Variants in PTPRD observed in about 807,000 individuals in gnomAD.
PTPRD encodes the protein protein tyrosine phosphatase receptor type D, also known as receptor-type tyrosine-protein phosphatase delta.
Under a neutral mutation model 214.5 loss-of-function variants are expected in PTPRD, and 34 were observed. The observed-to-expected ratio is 0.16, with a 90% CI of 0.12 to 0.21. The LOEUF is 0.21. Ranked by LOEUF, PTPRD falls within the 10% of genes least tolerant of loss-of-function variation. The probability of loss-of-function intolerance (pLI) is 1.00; values close to 1 mark genes in which losing one functional copy is unlikely to be tolerated. For missense variants in PTPRD, 2,545 were observed against 2,398.7 expected (o/e 1.06, Z -1.27); for synonymous variants, 1,128 against 845.7 (o/e 1.33, Z -5.79).
intron 5 of PTPRD, among the ~76,000 whole-genome samples, chr9:9,887,549 T>A (rs2071432388): frequency 6.6e-6 from 1 of 152,084 alleles, no homozygotes; most frequent in South Asian, 2.1e-4. Context: ...CAGAACAACA[T>A]TAGATGTTAA....
chr9:9,851,101 T>C (rs1264240457), intron 5 of PTPRD, among the ~76,000 whole-genome samples: 1 of 152,162 alleles, frequency 6.6e-6, no homozygotes, highest in African/African-American at 2.4e-5. Flanking sequence ...TATTTAAGGA[T>C]GAAATGAAAT....
intron 8 of PTPRD, among the ~76,000 whole-genome samples, chr9:9,537,134 A>G (rs2076689422): frequency 6.6e-6 from 1 of 152,088 alleles, no homozygotes; most frequent in Admixed American, 6.6e-5. Flanking sequence ...ATAACTGAGT[A>G]CCTGCTATGT....
At chr9:10,276,736 C>G (rs10958999) in intron 3 of PTPRD, among the ~76,000 whole-genome samples, 8,143 of 152,258 alleles carry the variant, frequency 0.053, 243 homozygotes, top group Middle Eastern at 0.095. Context: ...CTAATCATGT[C>G]AGAACAGAAG....
intron 8 of PTPRD, among the ~76,000 whole-genome samples, chr9:9,533,331 T>C (rs571032659): frequency 5.9e-5 from 9 of 152,256 alleles, no homozygotes; most frequent in African/African-American, 2.2e-4. Flanking sequence ...ATTTTTCTTT[T>C]CATTGTCAAA....
intron 11 of PTPRD, among the ~76,000 whole-genome samples, chr9:8,839,132 AAT>A (rs2097503604): frequency 6.6e-6 from 1 of 152,112 alleles, no homozygotes. Flanking sequence ...AGGCAAAGGA[AAT>A]ATAGAGATTT....
rs577496222 is a variant in PTPRD, at chr9:10,414,809, C to A, written c.-599-73792G>T. On this transcript the variant is annotated intron_variant, in intron 2 of 45. Transcript: ENST00000381196. ...GTGGAAACATGGATGGAACGGAATGCCATTATCCTCAGCAAACTAATGCAG... is the reference window on the plus strand; with the variant it reads ...GTGGAAACATGGATGGAACGGAATGACATTATCCTCAGCAAACTAATGCAG... Among the ~76,000 whole-genome samples, 3 of 151,854 alleles carry A rather than the reference C, an allele frequency of 2.0e-5. No individual in the cohort carries two copies. In the South Asian group the frequency reaches 6.2e-4, roughly 32 times the overall value.
chr9:9,086,997 C>T (rs1184966377), intron 10 of PTPRD, among the ~76,000 whole-genome samples: 3 of 152,136 alleles, frequency 2.0e-5, no homozygotes, highest in African/African-American at 4.8e-5. Flanking sequence ...AAGTGATATA[C>T]AGAGTGACAC....
chr9:10,123,216 T>A (rs561951384), intron 3 of PTPRD, among the ~76,000 whole-genome samples: 12 of 152,240 alleles, frequency 7.9e-5, no homozygotes, highest in African/African-American at 1.2e-4. Context: ...ACATAGGTGC[T>A]CCTTCCTATC....
intron 7 of PTPRD, among the ~76,000 whole-genome samples, chr9:9,575,244 A>T (rs2088077284): frequency 6.6e-6 from 1 of 152,174 alleles, no homozygotes; most frequent in African/African-American, 2.4e-5. Context: ...ACTAATAAAT[A>T]ACTATCCGTG....
intron 7 of PTPRD, among the ~76,000 whole-genome samples, chr9:9,669,366 C>G (rs1038291671): frequency 6.6e-6 from 1 of 151,998 alleles, no homozygotes; most frequent in Non-Finnish European, 1.5e-5. Context: ...CTGGACCAAA[C>G]GTAGGTAATC....
Position 8,591,659 on chromosome 9 carries a change from C to T in PTPRD, c.352+41658G>A, listed in dbSNP as rs760478041. On this transcript the variant is annotated intron_variant, in intron 14 of 45. Coordinates refer to ENST00000381196, the MANE Select transcript of PTPRD (RefSeq NM_002839.4). ...TCTGAAGCTCAAATTCAGAAGGACA[C>T]GTCTAGTTGGCTAAATTACCAAGTC... Among the ~76,000 whole-genome samples, 4 of 152,120 alleles carry T rather than the reference C, an allele frequency of 2.6e-5. No individual in the cohort carries two copies. In the East Asian group the frequency reaches 5.8e-4, roughly 22 times the overall value.
At chr9:9,418,041 A>G (rs916126021) in intron 8 of PTPRD, among the ~76,000 whole-genome samples, 1 of 152,046 alleles carries the variant, frequency 6.6e-6, no homozygotes, top group African/African-American at 2.4e-5. Context: ...TCTCTATGAA[A>G]TGTTCTGAGT....
chr9:10,148,067 C>T (rs2099036096), intron 3 of PTPRD, among the ~76,000 whole-genome samples: 1 of 152,104 alleles, frequency 6.6e-6, no homozygotes, highest in Non-Finnish European at 1.5e-5. Flanking sequence ...AGATTTTCTA[C>T]CTCATGCCCA....
intron 17 of PTPRD, among the ~76,000 whole-genome samples, chr9:8,525,493 A>G (rs556591793): frequency 6.6e-6 from 1 of 152,320 alleles, no homozygotes; most frequent in East Asian, 1.9e-4. Flanking sequence ...GAGAGCCAAA[A>G]ATACGCAGCG....
rs55664033 is a variant in PTPRD, at chr9:8,607,662, A to T, written c.352+25655T>A. 7.6e-3 allele frequency among the ~76,000 whole-genome samples: 1,160 copies of T among 152,244 alleles called. 8 individuals carry two copies. The highest frequency in any genetic ancestry group is 0.018 in the African/African-American group (744 of 41,566). On this transcript the variant is annotated intron_variant, in intron 14 of 45. Transcript: ENST00000381196. Reference sequence around the variant, plus strand: ...TGTCTCGGAAAAAAAATTAAAAAATAAATTAATTAATTAAAAACGAATGGG... The same window carrying T: ...TGTCTCGGAAAAAAAATTAAAAAATTAATTAATTAATTAAAAACGAATGGG...
At chr9:9,878,183 C>T (rs918810878) in intron 5 of PTPRD, among the ~76,000 whole-genome samples, 4 of 152,054 alleles carry the variant, frequency 2.6e-5, no homozygotes, top group African/African-American at 9.7e-5. Flanking sequence ...TTGAAATATA[C>T]TTAAATACTA....
chr9:8,700,073 G>C (rs919981386), intron 12 of PTPRD, among the ~76,000 whole-genome samples: 12 of 152,014 alleles, frequency 7.9e-5, no homozygotes, highest in African/African-American at 2.4e-4. Context: ...AGTAATCAAT[G>C]GTTTTTTAAA....
intron 10 of PTPRD, among the ~76,000 whole-genome samples, chr9:9,141,842 C>G (rs903899550): frequency 6.6e-6 from 1 of 151,654 alleles, no homozygotes; most frequent in Non-Finnish European, 1.5e-5. Flanking sequence ...ACTATTTATT[C>G]TGGAATATAT....
chr9:10,301,490 C>T (rs1378447694), intron 3 of PTPRD, among the ~76,000 whole-genome samples: 2 of 152,148 alleles, frequency 1.3e-5, no homozygotes, highest in Non-Finnish European at 2.9e-5. Context: ...GAGGCATGTT[C>T]TAACCCTTCG....
Sources: allele counts gnomAD v4.1 joint callset (sites outside exome capture counted in the v4.1 genomes callset), GRCh38; gene constraint gnomAD v4.1.1; transcripts MANE v1.5; gene names NCBI Gene and HGNC (gene_info 2026-07-23, HGNC 2026-07-21).